MAP2K5: variants seen among roughly 807,000 people sequenced by gnomAD.
MAP2K5 encodes the protein mitogen-activated protein kinase kinase 5.
MAP2K5 carries 49 observed loss-of-function variants against 83.1 expected under a neutral mutation model. That is an observed-to-expected ratio of 0.59 (90% CI 0.47 to 0.75). The LOEUF (loss-of-function observed/expected upper bound fraction) is 0.75. MAP2K5 is among the 30% of genes least tolerant of loss of function. MAP2K5 has a pLI of 0.00. For missense variants in MAP2K5, 457 were observed against 557.5 expected, an observed-to-expected ratio of 0.82 and a Z score of 1.82; for synonymous variants, 202 against 191.8, an observed-to-expected ratio of 1.05 and a Z score of -0.44.
At chr15:67,739,335 C>A (rs543441477) in intron 17 of MAP2K5, among the ~76,000 whole-genome samples, 2 of 145,934 alleles carry the variant, frequency 1.4e-5, no homozygotes, top group Non-Finnish European at 3.0e-5. Context: ...CATTCTTGAT[C>A]CATGACTTAT....
intron 16 of MAP2K5, among the ~76,000 whole-genome samples, chr15:67,718,413 G>T (rs879577204): frequency 1.3e-5 from 2 of 152,170 alleles, no homozygotes; most frequent in African/African-American, 4.8e-5. Flanking sequence ...TCAAATGGCT[G>T]TTGAAGTAAA....
At chr15:67,667,277 A>G (rs1303588277) in intron 13 of MAP2K5, among the ~76,000 whole-genome samples, 1 of 152,240 alleles carries the variant, frequency 6.6e-6, no homozygotes, top group African/African-American at 2.4e-5. Flanking sequence ...AGATCAGTTC[A>G]ATCAGGCAAT....
rs558246789 is a variant in MAP2K5, at chr15:67,636,876, G to A, written c.585+5949G>A. On this transcript the variant is annotated intron_variant, in intron 9 of 21. Coordinates refer to ENST00000178640, the MANE Select transcript of MAP2K5 (RefSeq NM_145160.3). The surrounding 1 kb of genome is among the most constrained non-coding windows in gnomAD (Gnocchi z 4.7). Reference sequence around the variant, plus strand: ...TAAGAGATTAACATTTGAGTCAGTGGGCTGGGAGAGGCAGACCCACCTGCA... The same window carrying A: ...TAAGAGATTAACATTTGAGTCAGTGAGCTGGGAGAGGCAGACCCACCTGCA... 6.6e-6 allele frequency among the ~76,000 whole-genome samples: 1 copy of A among 152,262 alleles called. No individual in the cohort carries two copies. Among genetic ancestry groups the A allele is most frequent in the South Asian group, 2.1e-4 (1 of 4,812 alleles).
intron 16 of MAP2K5, 108 bp downstream of exon 16, chr15:67,703,516 A>C: frequency 1.2e-6 from 1 of 828,864 alleles, no homozygotes; most frequent in Non-Finnish European, 2.0e-6. Context: ...TCAGCATGTT[A>C]TATAGATGTA....
chr15:67,615,705 T>C (rs1416886726), intron 8 of MAP2K5, among the ~76,000 whole-genome samples: 2 of 149,658 alleles, frequency 1.3e-5, no homozygotes, highest in African/African-American at 2.4e-5. Flanking sequence ...ATTTAAAATT[T>C]AAAAATTATA....
chr15:67,616,940 C>T (rs1346833930), intron 8 of MAP2K5, among the ~76,000 whole-genome samples: 1 of 152,024 alleles, frequency 6.6e-6, no homozygotes, highest in Non-Finnish European at 1.5e-5. Flanking sequence ...CTTTGAAGTA[C>T]GTTATGTGAG....
intron 12 of MAP2K5, among the ~76,000 whole-genome samples, chr15:67,664,394 A>G (rs1342401859): frequency 6.7e-6 from 1 of 149,098 alleles, no homozygotes; most frequent in African/African-American, 2.5e-5. Context: ...CCAGCTACTC[A>G]GGCAGCTGAG....
rs1374481716 is a variant in MAP2K5, at chr15:67,638,307, G to A, written c.585+7380G>A. On this transcript the variant is annotated intron_variant, in intron 9 of 21. Coordinates refer to ENST00000178640, the MANE Select transcript of MAP2K5 (RefSeq NM_145160.3). This position sits in a 1 kb window ranked among gnomAD's most constrained non-coding sequence, Gnocchi z 4.5. Reference sequence around the variant, plus strand: ...CTCATAAGTTAGCTCCCACTTATAAGTGAGAACATGTGGTATTCGGTTTCC... The same window carrying A: ...CTCATAAGTTAGCTCCCACTTATAAATGAGAACATGTGGTATTCGGTTTCC... Among the ~76,000 whole-genome samples, 1 of 152,184 alleles carries A rather than the reference G, an allele frequency of 6.6e-6. No homozygotes were observed. Among genetic ancestry groups the A allele is most frequent in the East Asian group, 1.9e-4 (1 of 5,190 alleles).
At position 67,601,297 on chromosome 15, in the gene MAP2K5, A is replaced by G. The variant is rs188173148; in HGVS notation, c.545+548A>G. On this transcript the variant is annotated intron_variant, in intron 8 of 21. Coordinates refer to ENST00000178640, the MANE Select transcript of MAP2K5 (RefSeq NM_145160.3). ...CCCAAATTCCAGTTGCAGTGATCTT[A>G]CCCCAAAGGAATGTTCATTTTCATC... Among the ~76,000 whole-genome samples the G allele has an allele frequency of 8.5e-5, 13 of 152,308 alleles. 1 individual carries two copies. In the East Asian group the frequency reaches 1.7e-3, roughly 20 times the overall value.
At position 67,785,172 on chromosome 15, in the gene MAP2K5, T is replaced by A. The variant is rs1306168148; in HGVS notation, c.1242+12420T>A. ...GTTGCCCAGGCTGGTCTCAAACTCCTGACCTCAAGTGATCCGCCTGCCTGG... is the reference window on the plus strand; with the variant it reads ...GTTGCCCAGGCTGGTCTCAAACTCCAGACCTCAAGTGATCCGCCTGCCTGG... On this transcript the variant is annotated intron_variant, in intron 21 of 21. Coordinates refer to ENST00000178640, the MANE Select transcript of MAP2K5 (RefSeq NM_145160.3). This position sits in a 1 kb window ranked among gnomAD's most constrained non-coding sequence, Gnocchi z 4.4. Among the ~76,000 whole-genome samples the A allele has an allele frequency of 6.6e-6, 1 of 152,192 alleles. No individual in the cohort carries two copies. Among genetic ancestry groups the A allele is most frequent in the Non-Finnish European group, 1.5e-5 (1 of 68,024 alleles).
rs1016126824 is a variant in MAP2K5, at chr15:67,543,351, C to T, written c.16C>T (p.Leu6Phe). The T allele has an allele frequency of 6.2e-7, 1 of 1,614,112 alleles. No homozygotes were observed. The highest frequency in any genetic ancestry group is 8.5e-7 in the Non-Finnish European group (1 of 1,180,056). Residue 6 changes from leucine (L) to phenylalanine (F), a missense_variant, in exon 1 of 22, where the codon CTT (leucine) becomes TTT (phenylalanine). Coordinates refer to ENST00000178640, the MANE Select transcript of MAP2K5 (RefSeq NM_145160.3). The surrounding 1 kb of genome is among the most constrained non-coding windows in gnomAD (Gnocchi z 4.3). The stretch of plus-strand genomic sequence containing the variant: ...TTAACCTGTAATGCTGTGGCTAGCC[C>T]TTGGCCCCTTTCCTGCCATGGAGAA... MLWLA[L>F]GPFPAMENQV...
intron 12 of MAP2K5, among the ~76,000 whole-genome samples, chr15:67,663,418 TTA>T (rs2087287510): frequency 6.6e-6 from 1 of 152,226 alleles, no homozygotes; most frequent in African/African-American, 2.4e-5. Flanking sequence ...AGTACTTTGA[TTA>T]TATATTTTTA....
intron 7 of MAP2K5, among the ~76,000 whole-genome samples, chr15:67,599,126 G>A (rs1331260556): frequency 2.0e-5 from 3 of 151,926 alleles, no homozygotes; most frequent in South Asian, 2.1e-4. Flanking sequence ...TTTATCATTC[G>A]GTCCAGAATA....
At chr15:67,718,813 C>T (rs8037476) in intron 16 of MAP2K5, among the ~76,000 whole-genome samples, 37,681 of 151,996 alleles carry the variant, frequency 0.25, 5,696 homozygotes, top group East Asian at 0.6. Flanking sequence ...GTATGGGGTA[C>T]ATGAGATATT....
intron 3 of MAP2K5, among the ~76,000 whole-genome samples, chr15:67,574,146 A>G (rs2085005154): frequency 6.6e-6 from 1 of 152,232 alleles, no homozygotes; most frequent in South Asian, 2.1e-4. Flanking sequence ...GTATTTCTCA[A>G]GAGTGGCTTG....
chr15:67,733,714 G>A (rs1240069771), intron 17 of MAP2K5, among the ~76,000 whole-genome samples: 1 of 152,176 alleles, frequency 6.6e-6, no homozygotes, highest in Non-Finnish European at 1.5e-5. Context: ...TGAACAAAAT[G>A]ATGACATATT....
At position 67,738,696 on chromosome 15, in the gene MAP2K5, T is replaced by TACAC; in HGVS notation, c.1075-9535_1075-9534insACAC. On this transcript the variant is annotated intron_variant, in intron 17 of 21. Transcript: ENST00000178640. This position sits in a 1 kb window ranked among gnomAD's most constrained non-coding sequence, Gnocchi z 4.1. ...AGATGGGGATCCACCCACATACACA[T>TACAC]GTACACACAACCACACGAGCAGCTC... 1.3e-5 allele frequency among the ~76,000 whole-genome samples: 2 copies of TACAC among 152,240 alleles called. No homozygotes were observed. Among genetic ancestry groups the TACAC allele is most frequent in the Non-Finnish European group, 2.9e-5 (2 of 68,038 alleles).
At position 67,786,738 on chromosome 15, in the gene MAP2K5, C is replaced by G. The variant is rs141288338; in HGVS notation, c.1242+13986C>G. ...CCTGCAACATGTTACTGAACGCTCT[C>G]CACCTCTAGTTGCTTATCTACAAAA... On this transcript the variant is annotated intron_variant, in intron 21 of 21. Transcript: ENST00000178640. The surrounding 1 kb of genome is among the most constrained non-coding windows in gnomAD (Gnocchi z 4.7). 1.3e-5 allele frequency among the ~76,000 whole-genome samples: 2 copies of G among 152,312 alleles called. No homozygotes were observed. Among genetic ancestry groups the G allele is most frequent in the African/African-American group, 4.8e-5 (2 of 41,576 alleles).
rs954670464 is a variant in MAP2K5 at position 67,760,695 on chromosome 15, T to G, written c.1135-8907T>G. Among the ~76,000 whole-genome samples the G allele has an allele frequency of 6.6e-6, 1 of 152,216 alleles. No homozygotes were observed. Among genetic ancestry groups the G allele is most frequent in the Admixed American group, 6.5e-5 (1 of 15,288 alleles). On this transcript the variant is annotated intron_variant, in intron 19 of 21. Coordinates refer to ENST00000178640, the MANE Select transcript of MAP2K5 (RefSeq NM_145160.3). This position sits in a 1 kb window ranked among gnomAD's most constrained non-coding sequence, Gnocchi z 4.1. Reference sequence around the variant, plus strand: ...GAAGCCTGATGTATTATTAATGAATTAATTTCTTGGTGGTGGAGGCCTGTG... The same window carrying G: ...GAAGCCTGATGTATTATTAATGAATGAATTTCTTGGTGGTGGAGGCCTGTG...
Sources: gnomAD v4.1 joint callset for allele counts (sites outside exome capture counted in the v4.1 genomes callset) on GRCh38, gnomAD v4.1.1 for gene constraint, Gnocchi (gnomAD v3.1) non-coding constraint, MANE v1.5 for transcripts, NCBI Gene and HGNC (gene_info 2026-07-23, HGNC 2026-07-21) for gene names.